The following FHOD3 variants were observed in gnomAD, a reference collection of about 807,000 sequenced individuals.
FHOD3 encodes FH1/FH2 domain-containing protein 3.
In FHOD3, 90 loss-of-function variants were observed where a neutral mutation model predicts 173.0. The ratio of observed to expected loss-of-function variants is 0.52; its 90% CI spans 0.44 to 0.62. The LOEUF (loss-of-function observed/expected upper bound fraction) is 0.62, where lower values mean the gene tolerates loss of function less well. Ranked by LOEUF, FHOD3 falls within the 20% of genes least tolerant of loss-of-function variation. The probability of loss-of-function intolerance (pLI) is 0.00; values close to 1 mark genes in which losing one functional copy is unlikely to be tolerated. For synonymous variants in FHOD3, 828 were observed against 823.0 expected (o/e 1.01, Z -0.10); for missense variants, 1,945 against 2,034.7 (o/e 0.96, Z 0.85).
chr18:36,712,773 A>G (rs2040238356), intron 18 of FHOD3, among the ~76,000 whole-genome samples: 1 of 152,012 alleles, frequency 6.6e-6, no homozygotes, highest in African/African-American at 2.4e-5. Flanking sequence ...AGCTGAGCAA[A>G]CCCCAAACAA....
At chr18:36,760,934 C>T in intron 27 of FHOD3, 152 bp downstream of exon 27, 4 of 727,396 alleles carry the variant, frequency 5.5e-6, no homozygotes, top group African/African-American at 3.6e-5. Context: ...TAGCGTCTTC[C>T]TGACCCACCT....
intron 5 of FHOD3, among the ~76,000 whole-genome samples, chr18:36,556,522 T>C (rs1487976297): frequency 1.3e-5 from 2 of 152,218 alleles, no homozygotes; most frequent in Non-Finnish European, 2.9e-5. Context: ...TATCTTTAAC[T>C]TATCACAGGC....
intron 3 of FHOD3, among the ~76,000 whole-genome samples, chr18:36,391,868 T>TCCTA (rs553897880): frequency 7.6e-4 from 116 of 152,278 alleles, no homozygotes; most frequent in African/African-American, 2.6e-3. Flanking sequence ...GTCTGCTGAC[T>TCCTA]CCTACTCAAT....
In FHOD3 at chr18:36,452,148, G is replaced by A. The variant is rs149115828; in HGVS notation, c.338-49784G>A. The stretch of plus-strand genomic sequence containing the variant: ...CGAGTTACGAGAATTATGAGGGTGC[G>A]TCTTGGCATTTTTTTGGTGCCACAA... On this transcript the variant is annotated intron_variant, in intron 3 of 28. Transcript: ENST00000590592. Among the ~76,000 whole-genome samples the A allele has an allele frequency of 2.6e-3, 395 of 152,214 alleles. 1 individual carries two copies. The highest frequency in any genetic ancestry group is 4.3e-3 in the Non-Finnish European group (291 of 68,018).
chr18:36,450,520 G>A (rs898348036), intron 3 of FHOD3, among the ~76,000 whole-genome samples: 1 of 151,294 alleles, frequency 6.6e-6, no homozygotes, highest in East Asian at 1.9e-4. Flanking sequence ...GGCCAGGCAC[G>A]GTGGCTCAAG....
intron 5 of FHOD3, among the ~76,000 whole-genome samples, chr18:36,533,838 T>G (rs997655220): frequency 6.6e-6 from 1 of 152,184 alleles, no homozygotes; most frequent in African/African-American, 2.4e-5. Flanking sequence ...AATGGAATAG[T>G]GGAATATGAT....
intron 1 of FHOD3, among the ~76,000 whole-genome samples, chr18:36,309,733 A>C (rs1028540895): frequency 6.6e-6 from 1 of 152,216 alleles, no homozygotes; most frequent in Non-Finnish European, 1.5e-5. Flanking sequence ...GCTGTTGGGC[A>C]GTCCTGTCCA....
chr18:36,595,242 C>T (rs1321645041), intron 7 of FHOD3, among the ~76,000 whole-genome samples: 2 of 152,116 alleles, frequency 1.3e-5, no homozygotes, highest in African/African-American at 4.8e-5. Flanking sequence ...CTCCCCTCCC[C>T]TCTACGCTTC....
At chr18:36,433,478 A>T (rs2050658824) in intron 3 of FHOD3, among the ~76,000 whole-genome samples, 1 of 152,208 alleles carries the variant, frequency 6.6e-6, no homozygotes, top group Non-Finnish European at 1.5e-5. Context: ...AGAAGAAAAT[A>T]GGTTAACAAA....
intron 7 of FHOD3, among the ~76,000 whole-genome samples, chr18:36,598,517 G>A (rs60873084): frequency 1.7e-3 from 254 of 152,196 alleles, no homozygotes; most frequent in Non-Finnish European, 2.9e-3. Context: ...TCCAGCGTAA[G>A]GAGTGATCAG....
At chr18:36,503,166 T>C (rs2055128141) in intron 4 of FHOD3, among the ~76,000 whole-genome samples, 1 of 152,090 alleles carries the variant, frequency 6.6e-6, no homozygotes. Flanking sequence ...CTAGGACAGG[T>C]GTGCAGAGAA....
intron 17 of FHOD3, among the ~76,000 whole-genome samples, chr18:36,705,667 C>G (rs753437827): frequency 6.6e-6 from 1 of 152,096 alleles, no homozygotes; most frequent in African/African-American, 2.4e-5. Context: ...TCTCATGGGT[C>G]GCTGTGTCTG....
At chr18:36,404,128 C>T (rs908762635) in intron 3 of FHOD3, among the ~76,000 whole-genome samples, 88 of 152,326 alleles carry the variant, frequency 5.8e-4, no homozygotes, top group African/African-American at 2.0e-3. Context: ...CAGTGCTGGC[C>T]ACTGACCCAG....
At chr18:36,738,428 C>G (rs1439066219) in intron 20 of FHOD3, among the ~76,000 whole-genome samples, 1 of 152,200 alleles carries the variant, frequency 6.6e-6, no homozygotes, top group African/African-American at 2.4e-5. Flanking sequence ...CTAACAGTGT[C>G]TATCACAAAG....
At chr18:36,717,441 T>C (rs1428134109) in intron 18 of FHOD3, among the ~76,000 whole-genome samples, 3 of 152,090 alleles carry the variant, frequency 2.0e-5, no homozygotes, top group African/African-American at 7.2e-5. Flanking sequence ...TCTTTCAGGC[T>C]CTCTAATACC....
At chr18:36,594,547 T>A (rs2029976471) in intron 6 of FHOD3, among the ~76,000 whole-genome samples, 1 of 152,170 alleles carries the variant, frequency 6.6e-6, no homozygotes, top group Non-Finnish European at 1.5e-5. Flanking sequence ...TGTTTTTTAC[T>A]GCGTGACTGC....
At chr18:36,691,034 A>G (rs1003657169) in intron 16 of FHOD3, among the ~76,000 whole-genome samples, 8 of 152,142 alleles carry the variant, frequency 5.3e-5, no homozygotes, top group Admixed American at 2.6e-4. Context: ...TGTGAGGCCA[A>G]AGGGTACACA....
intron 25 of FHOD3, 143 bp from the exon 26 acceptor site, chr18:36,758,975 A>C: frequency 1.1e-6 from 1 of 872,034 alleles, no homozygotes; most frequent in Non-Finnish European, 1.8e-6. Flanking sequence ...CTCCCAACTC[A>C]AGAGGATGTA....
intron 2 of FHOD3, among the ~76,000 whole-genome samples, chr18:36,358,175 T>G (rs1414995353): frequency 6.6e-6 from 1 of 152,142 alleles, no homozygotes; most frequent in African/African-American, 2.4e-5. Context: ...TTCCCAAGAC[T>G]GTGCTCTTCT....
Sources: gnomAD v4.1 joint callset for allele counts (sites outside exome capture counted in the v4.1 genomes callset) on GRCh38, gnomAD v4.1.1 for gene constraint, MANE v1.5 for transcripts, NCBI Gene and HGNC (gene_info 2026-07-23, HGNC 2026-07-21) for gene names.